Variants in FYN observed in about 807,000 individuals in gnomAD.
The protein encoded by FYN is FYN proto-oncogene, Src family tyrosine kinase.
In FYN, 10 loss-of-function variants were observed where a neutral mutation model predicts 70.2. The ratio of observed to expected loss-of-function variants is 0.14; its 90% CI spans 0.09 to 0.24. The LOEUF is 0.24. FYN is among the 10% of genes least tolerant of loss of function. The probability of loss-of-function intolerance (pLI) is 1.00; values close to 1 mark genes in which losing one functional copy is unlikely to be tolerated. For synonymous variants in FYN, 236 were observed against 248.6 expected (o/e 0.95, Z 0.48); for missense variants, 319 against 673.1 (o/e 0.47, Z 5.82).
chr6:111,765,058 G>A (rs913327942), intron 3 of FYN, among the ~76,000 whole-genome samples: 5 of 152,102 alleles, frequency 3.3e-5, no homozygotes, highest in South Asian at 4.2e-4. Context: ...CTGGGCCACC[G>A]CAAGGGAGCA....
chr6:111,703,973 C>T (rs1311022005), intron 7 of FYN, 26 bp downstream of exon 7: 1 of 1,565,128 alleles, frequency 6.4e-7, no homozygotes, highest in South Asian at 1.1e-5. Flanking sequence ...GAATGACAAG[C>T]CAACTTCTTC....
chr6:111,765,268 G>A (rs1803185967), intron 3 of FYN, among the ~76,000 whole-genome samples: 1 of 152,132 alleles, frequency 6.6e-6, no homozygotes, highest in Admixed American at 6.5e-5. Context: ...CAATGTAACT[G>A]TATTTGGAGA....
chr6:111,754,573 T>C (rs1802631599), intron 3 of FYN: 1 of 152,204 alleles, frequency 6.6e-6, no homozygotes, highest in South Asian at 2.1e-4. Context: ...TTTCCTTCCT[T>C]GAGCAGTATG....
chr6:111,788,256 T>G (rs1771475025), intron 2 of FYN, among the ~76,000 whole-genome samples: 1 of 152,214 alleles, frequency 6.6e-6, no homozygotes, highest in African/African-American at 2.4e-5. Context: ...GCAGGCTAAA[T>G]GTATCTTCGA....
At chr6:111,753,522 C>G (rs1438943422) in intron 3 of FYN, among the ~76,000 whole-genome samples, 5 of 151,820 alleles carry the variant, frequency 3.3e-5, no homozygotes, top group Non-Finnish European at 7.4e-5. Flanking sequence ...ATGGAACAAA[C>G]TTTTGAAGGG....
At chr6:111,817,894 G>A (rs1431594913) in intron 2 of FYN, among the ~76,000 whole-genome samples, 1 of 152,082 alleles carries the variant, frequency 6.6e-6, no homozygotes, top group East Asian at 1.9e-4. Flanking sequence ...CCTCCACTGG[G>A]GCACTGTCTG....
chr6:111,661,889 C>T lies in FYN; in HGVS notation c.1464G>A (p.Pro488=), dbSNP rs368275033. The T allele has an allele frequency of 3.8e-5, 62 of 1,614,060 alleles. No homozygotes were observed. The highest frequency in any genetic ancestry group is 2.7e-4 in the Admixed American group (16 of 60,016). Reference sequence around the variant, plus strand: ...CATGCAGAGAGATGGGGCAGTCCTGCGGGCAGGGCATCCTGTAGCCTCGCT... The same window carrying T: ...CATGCAGAGAGATGGGGCAGTCCTGTGGGCAGGGCATCCTGTAGCCTCGCT... The part of the protein sequence containing the change: ...QVERGYRMPC[P]QDCPISLHEL... The change falls in exon 14 of 14, where the codon CCG becomes CCA. Residue 488 remains proline (P), a synonymous_variant. Coordinates refer to ENST00000354650, the MANE Select transcript of FYN (RefSeq NM_002037.5). This position sits in a 1 kb window ranked among gnomAD's most constrained non-coding sequence, Gnocchi z 4.0.
At position 111,700,259 on chromosome 6, in the gene FYN, G is replaced by C. The variant is rs763590929; in HGVS notation, c.707C>G (p.Ala236Gly). 2 of 1,614,098 alleles carry C rather than the reference G, an allele frequency of 1.2e-6. No homozygotes were observed. The highest frequency in any genetic ancestry group is 2.2e-5 in the South Asian group (2 of 91,076). ...QLVQHYSERAAGLCCRLVVPC... is the reference protein window; with the variant it reads ...QLVQHYSERAGGLCCRLVVPC... Reference sequence around the variant, plus strand: ...AACTACTAGGCGGCAGCAGAGACCTGCAGCTCTCTCTGATGGAGCAGGGCA... The same window carrying C: ...AACTACTAGGCGGCAGCAGAGACCTCCAGCTCTCTCTGATGGAGCAGGGCA... The change falls in exon 9 of 14, where the codon GCA becomes GGA. Residue 236 changes from alanine (A) to glycine (G), a missense_variant. Around this residue, in one of 4 missense-constraint regions of FYN, gnomAD observed 112 missense variants for 250.2 expected, o/e 0.45. Coordinates refer to ENST00000354650, the MANE Select transcript of FYN (RefSeq NM_002037.5).
Position 111,702,913 on chromosome 6 carries a change from T to C in FYN, c.669A>G (p.Thr223=). ...AGTAATGTTGTACAAGCTGCTGAAG[T>C]GTTTCAAACTGGGCCCGGGTGGTAA... ...YYITTRAQFE[T]LQQLVQHYSE... Residue 223 remains threonine, a synonymous_variant, in exon 8 of 14, where the codon ACA becomes ACG. Transcript: ENST00000354650. 1 of 1,614,128 alleles carries C rather than the reference T, an allele frequency of 6.2e-7. No homozygotes were observed. The highest frequency in any genetic ancestry group is 8.5e-7 in the Non-Finnish European group (1 of 1,179,992).
chr6:111,669,508 G>A (rs1284810151), intron 13 of FYN, among the ~76,000 whole-genome samples: 2 of 150,376 alleles, frequency 1.3e-5, no homozygotes, highest in African/African-American at 4.9e-5. Context: ...CAAAACAGGT[G>A]TTCGGTTAAG....
intron 2 of FYN, among the ~76,000 whole-genome samples, chr6:111,819,386 G>A (rs1410819159): frequency 6.6e-6 from 1 of 152,094 alleles, no homozygotes; most frequent in Non-Finnish European, 1.5e-5. Flanking sequence ...GTTCCTTGCT[G>A]AAGTCATTCA....
chr6:111,770,228 T>C (rs1226797922), intron 3 of FYN, among the ~76,000 whole-genome samples: 1 of 152,212 alleles, frequency 6.6e-6, no homozygotes, highest in African/African-American at 2.4e-5. Flanking sequence ...TAATTTAACA[T>C]ACTGACTGTA....
chr6:111,817,018 T>C (rs1451879404), intron 2 of FYN, among the ~76,000 whole-genome samples: 2 of 152,192 alleles, frequency 1.3e-5, no homozygotes, highest in Non-Finnish European at 2.9e-5. Context: ...AGGATATACA[T>C]GTATAACTGA....
intron 2 of FYN, among the ~76,000 whole-genome samples, chr6:111,828,157 A>G (rs1045263804): frequency 2.6e-5 from 4 of 152,118 alleles, no homozygotes; most frequent in Admixed American, 2.0e-4. Context: ...CTTAATGGCC[A>G]AATTCCCCAG....
At chr6:111,672,643 T>C (rs1798336889) in intron 13 of FYN, among the ~76,000 whole-genome samples, 1 of 152,046 alleles carries the variant, frequency 6.6e-6, no homozygotes, top group Non-Finnish European at 1.5e-5. Context: ...CTGACTGTAA[T>C]ATCCATGAAC....
intron 2 of FYN, among the ~76,000 whole-genome samples, chr6:111,822,411 A>G (rs1214510067): frequency 1.3e-5 from 2 of 151,934 alleles, no homozygotes; most frequent in Non-Finnish European, 2.9e-5. Flanking sequence ...GTTCTCACTT[A>G]TAGGTGGGAA....
At chr6:111,751,454 T>TAACAACAAAAAC (rs112839743) in intron 3 of FYN, among the ~76,000 whole-genome samples, 67,991 of 147,116 alleles carry the variant, frequency 0.46, 15,458 homozygotes, top group East Asian at 0.64. Flanking sequence ...AACAAACAAT[T>TAACAACAAAAAC]AACAACAAAA....
chr6:111,798,785 G>A lies in FYN; in HGVS notation c.-81-18150C>T, dbSNP rs147001374. On this transcript the variant is annotated intron_variant, in intron 2 of 13. Coordinates refer to ENST00000354650, the MANE Select transcript of FYN (RefSeq NM_002037.5). ...CTGTGGTGAAGAATAAACAAAAAGC[G>A]TTCTGGGCTTGTTTTTATCTATACA... 4.1e-4 allele frequency among the ~76,000 whole-genome samples: 63 copies of A among 152,302 alleles called. 1 individual carries two copies. The highest frequency in any genetic ancestry group is 1.3e-3 in the African/African-American group (55 of 41,570).
chr6:111,745,712 G>A (rs1802179337), intron 3 of FYN, among the ~76,000 whole-genome samples: 1 of 152,244 alleles, frequency 6.6e-6, no homozygotes, highest in African/African-American at 2.4e-5. Context: ...GGGAGAAGGT[G>A]AGCAGGTAAG....
Sources: allele counts gnomAD v4.1 joint callset (sites outside exome capture counted in the v4.1 genomes callset), GRCh38; gene constraint gnomAD v4.1.1; regional missense constraint gnomAD v4.1.1; non-coding constraint Gnocchi (gnomAD v3.1); transcripts MANE v1.5; gene names NCBI Gene and HGNC (gene_info 2026-07-23, HGNC 2026-07-21).